The following IMP4 variants were observed in gnomAD, a reference collection of about 807,000 sequenced individuals.
IMP4 encodes IMP U3 small nucleolar ribonucleoprotein 4.
In IMP4, 30 loss-of-function variants were observed where a neutral mutation model predicts 42.7. That is an observed-to-expected ratio of 0.70 (90% CI 0.53 to 0.95). The LOEUF (loss-of-function observed/expected upper bound fraction) is 0.95, where lower values mean the gene tolerates loss of function less well. IMP4 is among the 40% of genes least tolerant of loss of function. IMP4 has a pLI of 0.00. For synonymous variants in IMP4, 165 were observed against 165.2 expected, an observed-to-expected ratio of 1.00 and a Z score of 0.01; for missense variants, 382 against 411.4, an observed-to-expected ratio of 0.93 and a Z score of 0.62.
Position 130,344,656 on chromosome 2 carries a change from G to A in IMP4, c.140G>A (p.Arg47His), listed in dbSNP as rs1679375087. The A allele has an allele frequency of 5.6e-6, 9 of 1,614,042 alleles. No individual in the cohort carries two copies. In the East Asian group the frequency reaches 8.9e-5, roughly 16 times the overall value. Residue 47 changes from arginine (R) to histidine (H), a missense_variant, in exon 3 of 9, where the codon CGC (arginine) becomes CAC (histidine). Coordinates refer to ENST00000259239, the MANE Select transcript of IMP4 (RefSeq NM_033416.3). Reference protein sequence around the residue: ...EENRLIPTELRREALALQGSL... With the variant: ...EENRLIPTELHREALALQGSL... Reference sequence around the variant, plus strand: ...AACCGCCTGATTCCCACTGAGTTACGCCGAGAGGCTCTGGCCTTACAGGGG... The same window carrying A: ...AACCGCCTGATTCCCACTGAGTTACACCGAGAGGCTCTGGCCTTACAGGGG...
At chr2:130,343,001 G>A in intron 1 of IMP4, 66 bp downstream of exon 1, 10 of 1,612,702 alleles carry the variant, frequency 6.2e-6, no homozygotes, top group Non-Finnish European at 8.5e-6. Context: ...TGGCTCTGGG[G>A]ACTTGGAGGC....
chr2:130,344,707 G>A lies in IMP4; in HGVS notation c.191G>A (p.Gly64Asp), dbSNP rs777186535. 1 of 1,610,804 alleles carries A rather than the reference G, an allele frequency of 6.2e-7. No homozygotes were observed. Among genetic ancestry groups the A allele is most frequent in the Non-Finnish European group, 8.5e-7 (1 of 1,176,950 alleles). ...TCCCTGGAGTTTGATGATGCTGGAGGTGAAGGTAACTATACAAGGTAGCCC... is the reference window on the plus strand; with the variant it reads ...TCCCTGGAGTTTGATGATGCTGGAGATGAAGGTAACTATACAAGGTAGCCC... Reference protein sequence around the residue: ...QGSLEFDDAGGEGVTSHVDDE... With the variant: ...QGSLEFDDAGDEGVTSHVDDE... The change falls in exon 3 of 9, where the codon GGT (glycine) becomes GAT (aspartate). Residue 64 changes from glycine (G) to aspartate (D), a missense_variant. Transcript: ENST00000259239.
At chr2:130,344,866 G>A in intron 3 of IMP4, 154 bp downstream of exon 3, 4 of 636,484 alleles carry the variant, frequency 6.3e-6, no homozygotes, top group Non-Finnish European at 1.1e-5. Context: ...GGCTCTCCCT[G>A]AGTGTGCCCT....
At position 130,345,626 on chromosome 2, in the gene IMP4, G is replaced by T; in HGVS notation, c.366G>T (p.Gly122=). The T allele has an allele frequency of 6.2e-7, 1 of 1,614,154 alleles. No individual in the cohort carries two copies. Among genetic ancestry groups the T allele is most frequent in the Non-Finnish European group, 8.5e-7 (1 of 1,180,046 alleles). ...QRMNRGRHEV[G]ALVRACKANG... ...TGAACCGAGGTCGACATGAAGTGGG[G>T]GCACTGGTGCGAGCCTGCAAAGCCA... The change falls in exon 5 of 9, where the codon GGG becomes GGT. Residue 122 remains glycine (G), a synonymous_variant. Coordinates refer to ENST00000259239, the MANE Select transcript of IMP4 (RefSeq NM_033416.3). The surrounding 1 kb of genome is among the most constrained non-coding windows in gnomAD (Gnocchi z 4.9).
At chr2:130,346,301 T>G in intron 8 of IMP4, 27 bp downstream of exon 8, 1 of 1,612,774 alleles carries the variant, frequency 6.2e-7, no homozygotes, top group Non-Finnish European at 8.5e-7. Flanking sequence ...ATCCCGTGTC[T>G]GGGGTGGGGA....
chr2:130,344,180 T>C (rs1350731959), intron 2 of IMP4, among the ~76,000 whole-genome samples: 2 of 152,064 alleles, frequency 1.3e-5, no homozygotes, highest in African/African-American at 4.8e-5. Flanking sequence ...TATAAAAAAT[T>C]AGCCGGGCGC....
Position 130,345,918 on chromosome 2 carries a change from C to G in IMP4, c.579C>G (p.Ser193=), listed in dbSNP as rs368029171. ...ACCTCATCACACACGGCTTCTCCTC[C>G]CGCCTGGGCAAGCGGGTGAGTCTGG... ...KPHLITHGFS[S]RLGKRVSDIL... is the part of the protein sequence containing the mutation. The change falls in exon 6 of 9, where the codon TCC becomes TCG. Residue 193 remains serine, a synonymous_variant. Coordinates refer to ENST00000259239, the MANE Select transcript of IMP4 (RefSeq NM_033416.3). The surrounding 1 kb of genome is among the most constrained non-coding windows in gnomAD (Gnocchi z 4.9). 1.2e-5 allele frequency: 19 copies of G among 1,614,082 alleles called. No individual in the cohort carries two copies. In the African/African-American group the frequency reaches 2.1e-4, roughly 18 times the overall value.
At chr2:130,344,792 A>G (rs1679392820) in intron 3 of IMP4, 80 bp downstream of exon 3, 10 of 954,704 alleles carry the variant, frequency 1.0e-5, no homozygotes, top group Admixed American at 1.8e-5. Flanking sequence ...GCACCATCCC[A>G]TCAGAGGAAA....
At chr2:130,344,780 G>A (rs555950285) in intron 3 of IMP4, 68 bp downstream of exon 3, 40 of 1,047,906 alleles carry the variant, frequency 3.8e-5, no homozygotes, top group Middle Eastern at 4.9e-4. Flanking sequence ...CAGACACACC[G>A]GGCACCATCC....
intron 2 of IMP4, among the ~76,000 whole-genome samples, chr2:130,343,567 C>G (rs1371701406): frequency 6.6e-6 from 1 of 151,762 alleles, no homozygotes; most frequent in East Asian, 1.9e-4. Context: ...GGTGAAATCT[C>G]GTCTCTACTA....
rs986685484 is a variant in IMP4, at chr2:130,344,912, T to A, written c.196+200T>A. 5.0e-6 allele frequency: 3 copies of A among 598,454 alleles called. No homozygotes were observed. In the African/African-American group the frequency reaches 5.6e-5, roughly 11 times the overall value. The allele number at this position is 598,454 out of a possible 1,614,324, so 37.1% of individuals were successfully genotyped here. A position where few individuals can be genotyped will look rare whatever the true frequency, so the allele number is the denominator to read the frequency against. On this transcript the variant is annotated intron_variant, in intron 3 of 8. Transcript: ENST00000259239. ...CATGGCACACATGGGAGTGCCTCACTGACTCTGCACCTGGCTTGTTAATTA... is the reference window on the plus strand; with the variant it reads ...CATGGCACACATGGGAGTGCCTCACAGACTCTGCACCTGGCTTGTTAATTA...
Position 130,345,534 on chromosome 2 carries a change from C to A in IMP4, c.307-33C>A. 6.2e-7 allele frequency: 1 copy of A among 1,614,100 alleles called. No individual in the cohort carries two copies. ...GAGAGACACCCAGGACACACAGCCC[C>A]AGTCCTGACTGTACACTGCCATCCA... On this transcript the variant is annotated intron_variant, in intron 4 of 8. Transcript: ENST00000259239. The surrounding 1 kb of genome is among the most constrained non-coding windows in gnomAD (Gnocchi z 4.9).
intron 1 of IMP4, 37 bp downstream of exon 1, chr2:130,342,972 G>A: frequency 1.9e-6 from 3 of 1,614,090 alleles, no homozygotes; most frequent in Middle Eastern, 3.3e-4. Context: ...GGTCCGGGGC[G>A]CGTGAAGTGC....
Position 130,346,463 on chromosome 2 carries a change from G to T in IMP4, c.871G>T (p.Glu291Ter). The T allele has an allele frequency of 6.4e-7, 1 of 1,553,644 alleles. No homozygotes were observed. Residue 291 changes from glutamate (E) to a stop codon, truncating the protein, a stop_gained, in exon 9 of 9, where the codon GAG becomes TAG. Coordinates refer to ENST00000259239, the MANE Select transcript of IMP4 (RefSeq NM_033416.3). LOFTEE classifies it high-confidence loss of function. ...ACGCAAGAGAGTCTTCCTGAGCACC[G>T]AGTGAGCACACTCACCACTCAGTCA... ...TARKRVFLST[E>*] is the part of the protein sequence containing the mutation.
At position 130,344,921 on chromosome 2, in the gene IMP4, A is replaced by G. The variant is rs112555726; in HGVS notation, c.196+209A>G. ...CATGGGAGTGCCTCACTGACTCTGC[A>G]CCTGGCTTGTTAATTACCTCCCCCA... On this transcript the variant is annotated intron_variant, in intron 3 of 8. Transcript: ENST00000259239. 1,231 of 593,562 alleles carry G rather than the reference A, an allele frequency of 2.1e-3. 11 individuals carry two copies. The African/African-American group carries it at 0.021, about 10-fold the overall frequency. 36.8% of individuals were successfully genotyped at this position (593,562 alleles called of 1,614,324 possible). A position where few individuals can be genotyped will look rare whatever the true frequency, so the allele number is the denominator to read the frequency against.
At chr2:130,343,809 C>G (rs1275942310) in intron 2 of IMP4, among the ~76,000 whole-genome samples, 1 of 152,132 alleles carries the variant, frequency 6.6e-6, no homozygotes, top group Non-Finnish European at 1.5e-5. Flanking sequence ...ACTGCGCTGC[C>G]CATCCTCCCT....
intron 2 of IMP4, among the ~76,000 whole-genome samples, chr2:130,343,498 C>A (rs1179427942): frequency 6.6e-6 from 1 of 152,106 alleles, no homozygotes; most frequent in Non-Finnish European, 1.5e-5. Context: ...GTAATCCCAG[C>A]ACTTTGGGAG....
rs1279962306 is a variant in IMP4, at chr2:130,345,628, C to T, written c.368C>T (p.Ala123Val). The T allele has an allele frequency of 6.2e-7, 1 of 1,614,026 alleles. No homozygotes were observed. The highest frequency in any genetic ancestry group is 8.5e-7 in the Non-Finnish European group (1 of 1,180,056). Residue 123 changes from alanine to valine, a missense_variant, in exon 5 of 9, where the codon GCA (alanine) becomes GTA (valine). By Grantham distance (64) the Ala-to-Val change is moderately conservative (BLOSUM62 0). Coordinates refer to ENST00000259239, the MANE Select transcript of IMP4 (RefSeq NM_033416.3). This position sits in a 1 kb window ranked among gnomAD's most constrained non-coding sequence, Gnocchi z 4.9. ...RMNRGRHEVG[A>V]LVRACKANGV... ...AACCGAGGTCGACATGAAGTGGGGG[C>T]ACTGGTGCGAGCCTGCAAAGCCAAC...
Position 130,343,093 on chromosome 2 carries a change from G to T in IMP4, c.11G>T (p.Arg4Leu). 6.4e-7 allele frequency: 1 copy of T among 1,555,362 alleles called. No homozygotes were observed. The highest frequency in any genetic ancestry group is 2.4e-5 in the East Asian group (1 of 41,868). Residue 4 changes from arginine (R) to leucine (L), a missense_variant, in exon 2 of 9, where the codon CGC (arginine) becomes CTC (leucine). By Grantham distance (102) the Arg-to-Leu change is moderately radical (BLOSUM62 -2). Coordinates refer to ENST00000259239, the MANE Select transcript of IMP4 (RefSeq NM_033416.3). MLR[R>L]EARLRREYLY... ...GGCCTGCTGTTCCCACAGCTGCGCC[G>T]CGAGGCCCGCCTGCGCCGCGAGTAC...
Sources: allele counts gnomAD v4.1 joint callset (sites outside exome capture counted in the v4.1 genomes callset), GRCh38; gene constraint gnomAD v4.1.1; non-coding constraint Gnocchi (gnomAD v3.1); transcripts MANE v1.5; gene names NCBI Gene and HGNC (gene_info 2026-07-23, HGNC 2026-07-21).